COL4A6: variants seen among roughly 807,000 people sequenced by gnomAD.
The protein encoded by COL4A6 is collagen type IV alpha 6 chain, also known as collagen alpha-6(IV) chain.
COL4A6 carries 59 observed loss-of-function variants against 126.7 expected under a neutral mutation model. The observed-to-expected ratio is 0.47, with a 90% CI of 0.38 to 0.58. The LOEUF is 0.58. Among genes scored for constraint, COL4A6 ranks in the 20% least tolerant of loss-of-function variants. The pLI is 0.00. For missense variants in COL4A6, 1,285 were observed against 1,337.3 expected (o/e 0.96, Z 0.61); for synonymous variants, 547 against 496.6 (o/e 1.10, Z -1.35).
chrX:108,206,648 T>C, intron 8 of COL4A6, 68 bp from the exon 9 acceptor site: 1 of 901,299 alleles, frequency 1.1e-6, no homozygotes, highest in South Asian at 2.0e-5. Flanking sequence ...AAAATATGTA[T>C]GTCCACGAGA....
intron 3 of COL4A6, among the ~76,000 whole-genome samples, chrX:108,297,135 A>G (rs1273174005): frequency 8.0e-5 from 9 of 111,891 alleles, no homozygotes; most frequent in Middle Eastern, 4.2e-3. Context: ...TATAAGGGGA[A>G]CAGGGAAATA....
intron 39 of COL4A6, 23 bp downstream of exon 39, chrX:108,164,854 A>C (rs1384899276): frequency 8.4e-7 from 1 of 1,193,891 alleles, no homozygotes; most frequent in Admixed American, 2.3e-5. Context: ...GGAAGGGCCC[A>C]GCAGCCAGCC....
Position 108,195,117 on chromosome X carries a change from C to T in COL4A6, c.913G>A (p.Gly305Ser). The stretch of plus-strand genomic sequence containing the variant: ...GGAGGGCCTTGGACTCCTTCTGAAC[C>T]CATGGGACCCTGTAAAGAAAATAGT... The part of the protein sequence containing the change: ...PGLPGPRGPM[G>S]SEGVQGPPGQ... The change falls in exon 15 of 45, where the codon GGT becomes AGT. Residue 305 changes from glycine (G) to serine (S), a missense_variant. Transcript: ENST00000334504. 8.3e-7 allele frequency: 1 copy of T among 1,203,381 alleles called. No individual in the cohort carries two copies. Among genetic ancestry groups the T allele is most frequent in the Non-Finnish European group, 1.1e-6 (1 of 890,007 alleles).
At chrX:108,338,590 A>G (rs950152837) in intron 2 of COL4A6, among the ~76,000 whole-genome samples, 1 of 111,846 alleles carries the variant, frequency 8.9e-6, no homozygotes, top group Non-Finnish European at 1.9e-5. Context: ...ATAATGCACA[A>G]TCGACACTTG....
chrX:108,325,842 T>C (rs1203076761), intron 2 of COL4A6, among the ~76,000 whole-genome samples: 2 of 109,670 alleles, frequency 1.8e-5, no homozygotes, highest in East Asian at 2.8e-4. Flanking sequence ...TCTCAATAGA[T>C]GCAGAAAAAG....
intron 29 of COL4A6, 36 bp downstream of exon 29, chrX:108,175,618 T>C: frequency 8.6e-7 from 1 of 1,168,751 alleles, no homozygotes; most frequent in South Asian, 1.9e-5. Context: ...TTGAAAAGCA[T>C]GGGCAGCAGT....
chrX:108,229,303 T>G (rs1223250353), intron 3 of COL4A6, among the ~76,000 whole-genome samples: 1 of 112,356 alleles, frequency 8.9e-6, no homozygotes, highest in Non-Finnish European at 1.9e-5. Flanking sequence ...CGTAGGACTT[T>G]GGGACAAATG....
In COL4A6 at chrX:108,272,307, T is replaced by C. The variant is rs559812778; in HGVS notation, c.144+38441A>G. ...TCGTTCTCATTCTTTTAAAGGAATA[T>C]GAATGACTCTTGGTTTCCTATGGCA... On this transcript the variant is annotated intron_variant, in intron 3 of 44. Transcript: ENST00000334504. 2.7e-5 allele frequency among the ~76,000 whole-genome samples: 3 copies of C among 112,091 alleles called. No individual in the cohort carries two copies. The South Asian group carries it at 1.1e-3, about 42-fold the overall frequency.
At chrX:108,334,150 C>T (rs1208971629) in intron 2 of COL4A6, among the ~76,000 whole-genome samples, 2 of 111,919 alleles carry the variant, frequency 1.8e-5, no homozygotes, top group Non-Finnish European at 3.8e-5. Flanking sequence ...TCAAATTATA[C>T]TGCGAAGTCT....
At chrX:108,411,240 C>T (rs372553946) in intron 2 of COL4A6, among the ~76,000 whole-genome samples, 1 of 110,818 alleles carries the variant, frequency 9.0e-6, no homozygotes, top group African/African-American at 3.3e-5. Flanking sequence ...GTAAGAGCTA[C>T]TTTTCACTTG....
chrX:108,398,611 A>G (rs1349594906), intron 2 of COL4A6, among the ~76,000 whole-genome samples: 3 of 111,044 alleles, frequency 2.7e-5, no homozygotes, highest in Non-Finnish European at 5.7e-5. Flanking sequence ...ACTTTTCTAG[A>G]TGGATGTTCT....
At chrX:108,287,897 A>G (rs2038051080) in intron 3 of COL4A6, among the ~76,000 whole-genome samples, 1 of 111,664 alleles carries the variant, frequency 9.0e-6, no homozygotes, top group Non-Finnish European at 1.9e-5. Context: ...CCAGGTAATA[A>G]GCTGGGGTCA....
In COL4A6 at chrX:108,170,503, C is replaced by T. The variant is rs1348201873; in HGVS notation, c.3493+106G>A. ...CATGATTCCTCATGTCCAATGACTCCTGTAGGCATGGCTTAACCCTAGCTA... is the reference window on the plus strand; with the variant it reads ...CATGATTCCTCATGTCCAATGACTCTTGTAGGCATGGCTTAACCCTAGCTA... On this transcript the variant is annotated intron_variant, in intron 35 of 44. Coordinates refer to ENST00000334504, the MANE Select transcript of COL4A6 (RefSeq NM_033641.4). 4.7e-6 allele frequency: 3 copies of T among 644,540 alleles called. No individual in the cohort carries two copies. The Admixed American group carries it at 8.3e-5, about 18-fold the overall frequency. The allele number at this position is 644,540 out of a possible 1,213,427, so 53.1% of individuals were successfully genotyped here. A position where few individuals can be genotyped will look rare whatever the true frequency, so the allele number is the denominator to read the frequency against.
intron 3 of COL4A6, among the ~76,000 whole-genome samples, chrX:108,251,112 G>A (rs545152840): frequency 2.0e-4 from 22 of 111,323 alleles, no homozygotes; most frequent in Middle Eastern, 9.2e-3. Context: ...GTCTAACTCA[G>A]GATTCCACAT....
In COL4A6 at chrX:108,205,484, G is replaced by C. The variant is rs905162466; in HGVS notation, c.646-4C>G. 9 of 1,192,149 alleles carry C rather than the reference G, an allele frequency of 7.5e-6. No homozygotes were observed. Among genetic ancestry groups the C allele is most frequent in the Non-Finnish European group, 9.1e-6 (8 of 879,083 alleles). ...GAAAACCTAGCCCCATATTCCCCTA[G>C]GGAATAGGGATATAGGGAGGAAAAA... On this transcript the variant is annotated splice_polypyrimidine_tract_variant and splice_region_variant and intron_variant, in intron 10 of 44. Transcript: ENST00000334504.
chrX:108,199,370 A>C (rs2035320140), intron 13 of COL4A6, among the ~76,000 whole-genome samples: 1 of 110,740 alleles, frequency 9.0e-6, no homozygotes, highest in South Asian at 4.0e-4. Context: ...GTCATAAGCC[A>C]TTCATATAAA....
intron 2 of COL4A6, among the ~76,000 whole-genome samples, chrX:108,422,668 T>C (rs953105579): frequency 1.8e-5 from 2 of 111,782 alleles, no homozygotes; most frequent in African/African-American, 6.5e-5. Context: ...TGCTGACTTA[T>C]ACTCTGAAAA....
intron 2 of COL4A6, among the ~76,000 whole-genome samples, chrX:108,382,127 G>C (rs2040571032): frequency 8.9e-6 from 1 of 111,953 alleles, no homozygotes; most frequent in Non-Finnish European, 1.9e-5. Flanking sequence ...AGCAGGCAGA[G>C]TTGTGTTAAA....
chrX:108,406,904 G>T (rs1157447251), intron 2 of COL4A6, among the ~76,000 whole-genome samples: 1 of 111,847 alleles, frequency 8.9e-6, no homozygotes, highest in African/African-American at 3.3e-5. Flanking sequence ...TTGAGGGCAA[G>T]AACTAATATG....
Sources: allele counts gnomAD v4.1 joint callset (sites outside exome capture counted in the v4.1 genomes callset), GRCh38; gene constraint gnomAD v4.1.1; transcripts MANE v1.5; gene names NCBI Gene and HGNC (gene_info 2026-07-23, HGNC 2026-07-21).